Variants in ALK observed in about 807,000 individuals in gnomAD.
The protein encoded by ALK is ALK tyrosine kinase receptor.
A neutral mutation model predicts 163.1 loss-of-function variants in ALK; 74 were observed. That is an observed-to-expected ratio of 0.45 (90% confidence interval 0.38 to 0.55). ALK has a LOEUF of 0.55. Among genes scored for constraint, ALK ranks in the 20% least tolerant of loss-of-function variants. ALK has a pLI of 0.00. For missense variants in ALK, 2,063 were observed against 2,105.3 expected (o/e 0.98, Z 0.39); for synonymous variants, 960 against 843.2 (o/e 1.14, Z -2.40).
chr2:29,592,290 T>C (rs1156793030), intron 3 of ALK, among the ~76,000 whole-genome samples: 3 of 152,150 alleles, frequency 2.0e-5, no homozygotes, highest in Non-Finnish European at 4.4e-5. Flanking sequence ...ACCTGACTCA[T>C]TGCCACTCCG....
At chr2:29,451,429 C>T (rs553994869) in intron 4 of ALK, among the ~76,000 whole-genome samples, 2 of 152,224 alleles carry the variant, frequency 1.3e-5, no homozygotes, top group African/African-American at 2.4e-5. Context: ...CACACTCTAT[C>T]GCCCTCCTTC....
At chr2:29,871,227 T>C (rs1036442482) in intron 1 of ALK, among the ~76,000 whole-genome samples, 1 of 152,154 alleles carries the variant, frequency 6.6e-6, no homozygotes, top group Non-Finnish European at 1.5e-5. Context: ...AGTGAAGGCA[T>C]CCTTTCACCT....
At chr2:29,739,401 T>C (rs1192064737) in intron 1 of ALK, among the ~76,000 whole-genome samples, 4 of 151,390 alleles carry the variant, frequency 2.6e-5, no homozygotes, top group Admixed American at 2.6e-4. Flanking sequence ...CTACTAAAAA[T>C]ACAAAAATTA....
intron 1 of ALK, among the ~76,000 whole-genome samples, chr2:29,762,948 G>C (rs113694904): frequency 1.6e-4 from 25 of 152,138 alleles, no homozygotes; most frequent in African/African-American, 5.3e-4. Flanking sequence ...TTAGCTGAGC[G>C]TGGTGATGTA....
chr2:29,315,569 G>C (rs563051483), intron 8 of ALK, among the ~76,000 whole-genome samples: 7 of 152,268 alleles, frequency 4.6e-5, no homozygotes, highest in African/African-American at 1.4e-4. Flanking sequence ...AAGTTTCAGT[G>C]CACCTCCAAA....
intron 5 of ALK, among the ~76,000 whole-genome samples, chr2:29,348,284 T>C (rs1668011971): frequency 6.6e-6 from 1 of 152,170 alleles, no homozygotes; most frequent in South Asian, 2.1e-4. Context: ...GGTCTGCTTA[T>C]GAGAATGAAT....
At chr2:29,366,019 A>G (rs1339326905) in intron 5 of ALK, among the ~76,000 whole-genome samples, 3 of 151,670 alleles carry the variant, frequency 2.0e-5, no homozygotes, top group Non-Finnish European at 2.9e-5. Flanking sequence ...TTTTCTGCAC[A>G]CTACTTTGGG....
In ALK at chr2:29,442,279, T is replaced by G. The variant is rs139515941; in HGVS notation, c.1155-58420A>C. ...AATTACACAAATTGCCCATCAACTC[T>G]ATTGTTACTTTCTTTCCTCTGATAA... On this transcript the variant is annotated intron_variant, in intron 4 of 28. Transcript: ENST00000389048. 9.2e-4 allele frequency among the ~76,000 whole-genome samples: 137 copies of G among 148,568 alleles called. 1 individual carries two copies. The highest frequency in any genetic ancestry group is 3.3e-3 in the African/African-American group (135 of 40,802).
intron 1 of ALK, among the ~76,000 whole-genome samples, chr2:29,764,923 C>A (rs1233270850): frequency 1.3e-5 from 2 of 152,090 alleles, no homozygotes; most frequent in Admixed American, 1.3e-4. Context: ...ATCAAGGGGG[C>A]AGATCTCCCG....
chr2:29,248,924 C>T (rs909628110), intron 12 of ALK, among the ~76,000 whole-genome samples: 8 of 152,218 alleles, frequency 5.3e-5, no homozygotes. Context: ...ATGGGGTCGG[C>T]GTGTTCTTGG....
At chr2:29,619,946 C>G (rs1202512594) in intron 3 of ALK, among the ~76,000 whole-genome samples, 1 of 152,142 alleles carries the variant, frequency 6.6e-6, no homozygotes, top group Non-Finnish European at 1.5e-5. Flanking sequence ...TAGGGCTGCC[C>G]AACTCTAGCA....
chr2:29,678,381 A>G (rs1677953039), intron 3 of ALK, among the ~76,000 whole-genome samples: 1 of 151,790 alleles, frequency 6.6e-6, no homozygotes, highest in Non-Finnish European at 1.5e-5. Flanking sequence ...TTAAAATAAA[A>G]ACTTAGGTTA....
chr2:29,900,986 A>AG (rs1667399826), intron 1 of ALK, among the ~76,000 whole-genome samples: 1 of 142,682 alleles, frequency 7.0e-6, no homozygotes, highest in Non-Finnish European at 1.6e-5. Flanking sequence ...AGAAAGAGAG[A>AG]GAGAGAGAGA....
rs1352401313 is a variant in ALK at position 29,675,179 on chromosome 2, T to C, written c.952+19671A>G. ...ACTGTTTAACAACCTACATTTTCAT[T>C]AAACTATATCAATATTTTTCCATGT... On this transcript the variant is annotated intron_variant, in intron 3 of 28. Transcript: ENST00000389048. Among the ~76,000 whole-genome samples the C allele has an allele frequency of 2.0e-5, 3 of 152,082 alleles. No homozygotes were observed. The East Asian group carries it at 5.8e-4, about 29-fold the overall frequency.
chr2:29,746,136 T>C (rs78941233), intron 1 of ALK, among the ~76,000 whole-genome samples: 2,699 of 152,280 alleles, frequency 0.018, 77 homozygotes, highest in African/African-American at 0.06. Context: ...ATACGTAACT[T>C]GCCCTAAGCT....
Position 29,377,263 on chromosome 2 carries a change from T to A in ALK, c.1282+6469A>T, listed in dbSNP as rs1028184476. On this transcript the variant is annotated intron_variant, in intron 5 of 28. Transcript: ENST00000389048. ...AAGCCAGGGTGGGCGGATCACGAGG[T>A]CAGGAGTTCGAGACCAGCCTGACCA... 1.6e-4 allele frequency among the ~76,000 whole-genome samples: 24 copies of A among 151,816 alleles called. 1 individual carries two copies. The highest frequency in any genetic ancestry group is 5.8e-4 in the African/African-American group (24 of 41,300).
At chr2:29,367,918 T>C (rs916211979) in intron 5 of ALK, among the ~76,000 whole-genome samples, 2 of 152,236 alleles carry the variant, frequency 1.3e-5, no homozygotes, top group Non-Finnish European at 2.9e-5. Flanking sequence ...TATTTACATT[T>C]TCTAGCTACT....
At chr2:29,788,498 G>T (rs971739378) in intron 1 of ALK, among the ~76,000 whole-genome samples, 1 of 152,206 alleles carries the variant, frequency 6.6e-6, no homozygotes, top group Non-Finnish European at 1.5e-5. Context: ...GAAATTAGAA[G>T]TTATATAGGG....
Position 29,921,410 on chromosome 2 carries a change from G to A in ALK, c.-751C>T, listed in dbSNP as rs547587734. The A allele has an allele frequency of 3.7e-4, 85 of 232,586 alleles. No individual in the cohort carries two copies. The highest frequency in any genetic ancestry group is 6.2e-4 in the Admixed American group (11 of 17,784). 14.4% of individuals were successfully genotyped at this position (232,586 alleles called of 1,614,324 possible). Reference sequence around the variant, plus strand: ...GCAGCAGCTGAGGGCGTTCAGGGCAGGGGCGCCCGAAATCTTGCCGCCCCC... The same window carrying A: ...GCAGCAGCTGAGGGCGTTCAGGGCAAGGGCGCCCGAAATCTTGCCGCCCCC... On this transcript the variant is annotated 5_prime_UTR_variant, in exon 1 of 29. Transcript: ENST00000389048.
Sources: gnomAD v4.1 joint callset for allele counts (sites outside exome capture counted in the v4.1 genomes callset) on GRCh38, gnomAD v4.1.1 for gene constraint, MANE v1.5 for transcripts, NCBI Gene and HGNC (gene_info 2026-07-23, HGNC 2026-07-21) for gene names.